The following LHPP variants were observed in gnomAD, a reference collection of about 807,000 sequenced individuals.
The protein encoded by LHPP is hLHPP.
A neutral mutation model predicts 30.3 loss-of-function variants in LHPP; 24 were observed. That is an observed-to-expected ratio of 0.79 (90% CI 0.57 to 1.11). LHPP has a LOEUF of 1.11. Among genes scored for constraint, LHPP ranks in the 50% most tolerant of loss-of-function variants. The pLI, the probability that LHPP is intolerant of heterozygous loss-of-function variation, is 0.00. For synonymous variants in LHPP, 150 were observed against 157.1 expected (o/e 0.95, Z 0.34); for missense variants, 356 against 367.2 (o/e 0.97, Z 0.25).
At chr10:124,550,225 CCT>C (rs1955448086) in intron 6 of LHPP, among the ~76,000 whole-genome samples, 2 of 152,234 alleles carry the variant, frequency 1.3e-5, no homozygotes, top group African/African-American at 2.4e-5. Flanking sequence ...ATCCTCATAC[CCT>C]CTCTCCTGAC....
chr10:124,516,344 T>G (rs1455621361), intron 5 of LHPP, among the ~76,000 whole-genome samples: 1 of 152,202 alleles, frequency 6.6e-6, no homozygotes, highest in Non-Finnish European at 1.5e-5. Flanking sequence ...CAGGGCCCCC[T>G]CTGACCTCAT....
chr10:124,549,326 G>A (rs919144611), intron 6 of LHPP, among the ~76,000 whole-genome samples: 1 of 152,020 alleles, frequency 6.6e-6, no homozygotes, highest in African/African-American at 2.4e-5. Context: ...CCAGCTACTC[G>A]GGAGGCTGAG....
At chr10:124,531,612 T>G (rs773879788) in intron 6 of LHPP, among the ~76,000 whole-genome samples, 33 of 152,156 alleles carry the variant, frequency 2.2e-4, no homozygotes, top group Non-Finnish European at 1.0e-4. Flanking sequence ...AGACAGTCAT[T>G]TTGTGTGGTG....
At chr10:124,475,870 G>A (rs573786777) in intron 1 of LHPP, among the ~76,000 whole-genome samples, 19 of 152,298 alleles carry the variant, frequency 1.2e-4, no homozygotes, top group African/African-American at 4.3e-4. Flanking sequence ...GTCCCTCTGG[G>A]CCTTAGTATC....
chr10:124,485,309 T>C (rs770538232), intron 2 of LHPP, among the ~76,000 whole-genome samples: 3 of 152,040 alleles, frequency 2.0e-5, no homozygotes, highest in Non-Finnish European at 4.4e-5. Context: ...AGAAAAGGGT[T>C]GCTGGACCCG....
At chr10:124,612,175 G>A (rs1372573696) in intron 6 of LHPP, among the ~76,000 whole-genome samples, 3 of 152,184 alleles carry the variant, frequency 2.0e-5, no homozygotes, top group Admixed American at 6.5e-5. Context: ...AGGCTAAGGC[G>A]GGCAAATCAC....
At chr10:124,471,009 A>T (rs1313885004) in intron 1 of LHPP, among the ~76,000 whole-genome samples, 1 of 152,114 alleles carries the variant, frequency 6.6e-6, no homozygotes, top group Admixed American at 6.6e-5. Context: ...TTTAAGTTTC[A>T]TAAGAAATAG....
intron 3 of LHPP, among the ~76,000 whole-genome samples, chr10:124,491,973 A>G (rs1441315065): frequency 3.9e-5 from 6 of 152,236 alleles, no homozygotes; most frequent in African/African-American, 1.2e-4. Context: ...GTGTTTAAAA[A>G]TGGGGATATT....
At position 124,549,823 on chromosome 10, in the gene LHPP, G is replaced by A. The variant is rs144623057; in HGVS notation, c.716+32552G>A. Reference sequence around the variant, plus strand: ...TGAATCCTGGCTGAGTGCCTAGTGGGGCACTTTGGGACAAATGACCACCTT... The same window carrying A: ...TGAATCCTGGCTGAGTGCCTAGTGGAGCACTTTGGGACAAATGACCACCTT... On this transcript the variant is annotated intron_variant, in intron 6 of 6. Transcript: ENST00000368842. Among the ~76,000 whole-genome samples the A allele has an allele frequency of 5.9e-5, 9 of 152,372 alleles. No homozygotes were observed. In the East Asian group the frequency reaches 1.7e-3, roughly 29 times the overall value.
intron 1 of LHPP, among the ~76,000 whole-genome samples, chr10:124,467,389 AGG>A (rs1952583284): frequency 5.4e-5 from 1 of 18,450 alleles, no homozygotes; most frequent in Admixed American, 7.4e-4. Context: ...CAGGGTGGAG[AGG>A]GGGCAGGGAG....
intron 6 of LHPP, among the ~76,000 whole-genome samples, chr10:124,581,821 G>A (rs950068790): frequency 2.2e-4 from 33 of 151,654 alleles, no homozygotes; most frequent in Admixed American, 4.6e-4. Context: ...CTGCTTTGTC[G>A]GCCAGGCTGG....
At chr10:124,486,438 A>ACT (rs1953329346) in intron 2 of LHPP, among the ~76,000 whole-genome samples, 1 of 152,242 alleles carries the variant, frequency 6.6e-6, no homozygotes, top group African/African-American at 2.4e-5. Flanking sequence ...AGAACTTAGA[A>ACT]AAGGTATTAC....
chr10:124,567,246 C>T (rs143291458), intron 6 of LHPP, among the ~76,000 whole-genome samples: 23 of 152,368 alleles, frequency 1.5e-4, no homozygotes, highest in African/African-American at 5.0e-4. Context: ...CAGGCCTTGC[C>T]GTGGTCACCT....
chr10:124,574,701 A>C (rs1361081267), intron 6 of LHPP, among the ~76,000 whole-genome samples: 1 of 151,652 alleles, frequency 6.6e-6, no homozygotes, highest in Non-Finnish European at 1.5e-5. Context: ...CAGAGGGGGG[A>C]TTTGTAGGGA....
intron 5 of LHPP, among the ~76,000 whole-genome samples, chr10:124,499,379 G>C (rs11245228): frequency 0.018 from 2,759 of 151,902 alleles, 97 homozygotes; most frequent in East Asian, 0.11. Context: ...CATGGAGGCT[G>C]ACGCCTGTAG....
intron 5 of LHPP, among the ~76,000 whole-genome samples, chr10:124,505,647 G>A (rs1589804972): frequency 6.6e-6 from 1 of 152,180 alleles, no homozygotes; most frequent in South Asian, 2.1e-4. Flanking sequence ...TACCTTAAAG[G>A]TTACTTCTAG....
At chr10:124,534,207 T>G (rs1209357084) in intron 6 of LHPP, among the ~76,000 whole-genome samples, 2 of 152,244 alleles carry the variant, frequency 1.3e-5, no homozygotes, top group Non-Finnish European at 2.9e-5. Context: ...ACGCCCTGCA[T>G]GTCATAGGCT....
intron 1 of LHPP, among the ~76,000 whole-genome samples, chr10:124,472,623 A>G (rs1468844582): frequency 2.7e-5 from 4 of 150,090 alleles, no homozygotes; most frequent in Non-Finnish European, 5.9e-5. Flanking sequence ...CAGTGGTGCG[A>G]TCTCAGCTCA....
chr10:124,500,585 G>A (rs186894112), intron 5 of LHPP, among the ~76,000 whole-genome samples: 30 of 151,696 alleles, frequency 2.0e-4, no homozygotes, highest in East Asian at 1.7e-3. Flanking sequence ...TAAAAATCAC[G>A]ATTTTTGGAT....
Sources: allele counts gnomAD v4.1 joint callset (sites outside exome capture counted in the v4.1 genomes callset), GRCh38; gene constraint gnomAD v4.1.1; transcripts MANE v1.5; gene names NCBI Gene and HGNC (gene_info 2026-07-23, HGNC 2026-07-21).